The following INPP5J variants were observed in gnomAD, a reference collection of about 807,000 sequenced individuals.
INPP5J encodes inositol polyphosphate-5-phosphatase J, also known as phosphatidylinositol 4,5-bisphosphate 5-phosphatase A.
INPP5J carries 75 observed loss-of-function variants against 86.6 expected under a neutral mutation model. The ratio of observed to expected loss-of-function variants is 0.87; its 90% CI spans 0.72 to 1.05. INPP5J has a LOEUF of 1.05. Among genes scored for constraint, INPP5J ranks in the 50% least tolerant of loss-of-function variants. INPP5J has a pLI of 0.00. For missense variants in INPP5J, 1,229 were observed against 1,341.2 expected, an observed-to-expected ratio of 0.92 and a Z score of 1.31; for synonymous variants, 540 against 550.0, an observed-to-expected ratio of 0.98 and a Z score of 0.25.
rs1459077623 is a variant in INPP5J, at chr22:31,126,945, G to A, written c.1519G>A (p.Val507Ile). ...VLVSSVRMQG[V>I]ILLLFAKYYH... ...GGTGAGTTCGGTGAGGATGCAGGGT[G>A]TCATCCTGCTGCTGTTCGCCAAGTA... Residue 507 changes from valine (V) to isoleucine (I), a missense_variant, in exon 5 of 13, where the codon GTC (valine) becomes ATC (isoleucine). Coordinates refer to ENST00000331075, the MANE Select transcript of INPP5J (RefSeq NM_001284285.2). 1 of 1,610,252 alleles carries A rather than the reference G, an allele frequency of 6.2e-7. No individual in the cohort carries two copies. Among genetic ancestry groups the A allele is most frequent in the Non-Finnish European group, 8.5e-7 (1 of 1,178,272 alleles).
In INPP5J at chr22:31,125,968, C is replaced by T. The variant is rs749112330; in HGVS notation, c.1229C>T (p.Pro410Leu). ...TCTACATCCACCCTGTCATCCTCCC[C>T]TTGGTCAGCTCAGCCTACCTGGAAG... ...SSSTSTLSSS[P>L]WSAQPTWKSD... Residue 410 changes from proline to leucine, a missense_variant, in exon 2 of 13, where the codon CCT becomes CTT. Physicochemically the swap from Pro to Leu is moderately conservative, Grantham distance 98. Transcript: ENST00000331075. The T allele has an allele frequency of 1.2e-6, 2 of 1,602,742 alleles. No individual in the cohort carries two copies. The highest frequency in any genetic ancestry group is 2.2e-5 in the South Asian group (2 of 90,524).
Position 31,133,390 on chromosome 22 carries a change from A to C in INPP5J, c.2332-16A>C. 3 of 1,613,494 alleles carry C rather than the reference A, an allele frequency of 1.9e-6. No homozygotes were observed. Among genetic ancestry groups the C allele is most frequent in the Non-Finnish European group, 2.5e-6 (3 of 1,179,522 alleles). ...TATAGGGTCACAACACTGATTCCAC[A>C]ACACTGATCCCCCAGGTGGGTTTCC... On this transcript the variant is annotated splice_polypyrimidine_tract_variant and intron_variant, in intron 10 of 12. Coordinates refer to ENST00000331075, the MANE Select transcript of INPP5J (RefSeq NM_001284285.2).
rs149368837 is a variant in INPP5J at position 31,127,890 on chromosome 22, C to G, written c.1788-61C>G. On this transcript the variant is annotated intron_variant, in intron 6 of 12. Coordinates refer to ENST00000331075, the MANE Select transcript of INPP5J (RefSeq NM_001284285.2). ...GGATCTGGGCTGAGCCCTTATCCTC[C>G]ATGGACCTGTTGACACCCCCCACTG... 1.3e-4 allele frequency: 126 copies of G among 984,496 alleles called. 1 individual carries two copies. The Middle Eastern group carries it at 4.3e-3, about 34-fold the overall frequency. The allele number at this position is 984,496 out of a possible 1,614,324, so 61.0% of individuals were successfully genotyped here. A position where few individuals can be genotyped will look rare whatever the true frequency, so the allele number is the denominator to read the frequency against.
intron 9 of INPP5J, among the ~76,000 whole-genome samples, chr22:31,132,503 G>A (rs1002365345): frequency 6.6e-6 from 1 of 152,170 alleles, no homozygotes; most frequent in African/African-American, 2.4e-5. Flanking sequence ...ACTTTGGGAG[G>A]CTGAGGTGGG....
chr22:31,123,133 G>A lies in INPP5J; in HGVS notation c.105+14G>A. 6.9e-7 allele frequency: 1 copy of A among 1,445,016 alleles called. No individual in the cohort carries two copies. Among genetic ancestry groups the A allele is most frequent in the Non-Finnish European group, 9.1e-7 (1 of 1,093,510 alleles). 89.5% of individuals were successfully genotyped at this position (1,445,016 alleles called of 1,614,324 possible). On this transcript the variant is annotated intron_variant, in intron 1 of 12. Coordinates refer to ENST00000331075, the MANE Select transcript of INPP5J (RefSeq NM_001284285.2). ...GCACCCTCCAAGGTAAGACCCCTGA[G>A]ACCCAGTGCCCCCCGCTTTCCTGAT...
rs752247748 is a variant in INPP5J, at chr22:31,126,328, G to T, written c.1272-48G>T. The stretch of plus-strand genomic sequence containing the variant: ...GAGTCCTGTGAAAGGAAGCTTGAGG[G>T]TGAGGGAGTGGTGCCAGGACTACAC... On this transcript the variant is annotated intron_variant, in intron 2 of 12. Transcript: ENST00000331075. 3 of 1,439,710 alleles carry T rather than the reference G, an allele frequency of 2.1e-6. No individual in the cohort carries two copies. The East Asian group carries it at 6.8e-5, about 33-fold the overall frequency. 89.2% of individuals were successfully genotyped at this position (1,439,710 alleles called of 1,614,324 possible). A position where few individuals can be genotyped will look rare whatever the true frequency, so the allele number is the denominator to read the frequency against.
At chr22:31,127,913 C>CG in intron 6 of INPP5J, 38 bp from the exon 7 acceptor site, 1 of 1,181,826 alleles carries the variant, frequency 8.5e-7, no homozygotes, top group Non-Finnish European at 1.3e-6. Context: ...ACACCCCCCA[C>CG]TGCCCCCCAC....
chr22:31,123,863 A>G (rs1921100032), intron 1 of INPP5J: 1 of 152,244 alleles, frequency 6.6e-6, no homozygotes, highest in East Asian at 1.9e-4. Context: ...CCTGCCGGAC[A>G]TAAATGGGAT....
At chr22:31,123,222 T>C (rs1921030484) in intron 1 of INPP5J, 103 bp downstream of exon 1, 3 of 714,726 alleles carry the variant, frequency 4.2e-6, no homozygotes, top group African/African-American at 3.8e-5. Context: ...ACTGAGGGGC[T>C]GGTACTTTCC....
At chr22:31,131,434 G>A (rs140371497) in intron 9 of INPP5J, among the ~76,000 whole-genome samples, 3 of 152,058 alleles carry the variant, frequency 2.0e-5, no homozygotes, top group East Asian at 3.9e-4. Flanking sequence ...GTGGTGGTGC[G>A]CACCTGTAGT....
intron 9 of INPP5J, among the ~76,000 whole-genome samples, chr22:31,130,067 C>T (rs1415612308): frequency 1.3e-5 from 2 of 152,002 alleles, no homozygotes; most frequent in East Asian, 1.9e-4. Context: ...AAAGGCCGAG[C>T]GCAGTGGCTC....
At chr22:31,129,232 C>CTTTTTTTTTTTTT (rs576089657) in intron 9 of INPP5J, among the ~76,000 whole-genome samples, 3 of 79,122 alleles carry the variant, frequency 3.8e-5, no homozygotes, top group Non-Finnish European at 4.5e-5. Flanking sequence ...GTCTGGCCAA[C>CTTTTTTTTTTTTT]TTTTTTTTTT....
chr22:31,133,889 C>T, intron 12 of INPP5J, 24 bp from the exon 13 acceptor site: 1 of 1,604,318 alleles, frequency 6.2e-7, no homozygotes, highest in Non-Finnish European at 8.5e-7. Flanking sequence ...AGCAGGGCGC[C>T]CCAGTGACCA....
chr22:31,127,247 C>A, intron 5 of INPP5J, 110 bp from the exon 6 acceptor site: 1 of 1,053,688 alleles, frequency 9.5e-7, no homozygotes, highest in Non-Finnish European at 1.4e-6. Flanking sequence ...TTCCTCATTT[C>A]TGTAGGACCC....
chr22:31,130,096 C>G (rs1333277263), intron 9 of INPP5J, among the ~76,000 whole-genome samples: 1 of 151,938 alleles, frequency 6.6e-6, no homozygotes, highest in Non-Finnish European at 1.5e-5. Context: ...AATCCCAGCA[C>G]TTTGGGAGGC....
intron 10 of INPP5J, 24 bp from the exon 11 acceptor site, chr22:31,133,380 CTG>C (rs1346771727): frequency 3.1e-6 from 5 of 1,612,132 alleles, no homozygotes; most frequent in Non-Finnish European, 4.2e-6. Flanking sequence ...GGTCACAACA[CTG>C]ATTCCACAAC....
rs201734999 is a variant in INPP5J, at chr22:31,125,340, A to C, written c.601A>C (p.Thr201Pro). 251 of 1,549,036 alleles carry C rather than the reference A, an allele frequency of 1.6e-4. 1 individual carries two copies. The Middle Eastern group carries it at 2.3e-3, about 14-fold the overall frequency. ...SEEQPPELPS[T>P]PSPVPSPVLS... The stretch of plus-strand genomic sequence containing the variant: ...GGAGCAGCCCCCAGAACTCCCCTCC[A>C]CCCCTTCCCCGGTGCCCAGTCCAGT... Residue 201 changes from threonine (T) to proline (P), a missense_variant, in exon 2 of 13, where the codon ACC (threonine) becomes CCC (proline). Physicochemically the swap from Thr to Pro is conservative, Grantham distance 38 (BLOSUM62 -1). Coordinates refer to ENST00000331075, the MANE Select transcript of INPP5J (RefSeq NM_001284285.2).
rs573177987 is a variant in INPP5J, at chr22:31,125,570, C to T, written c.831C>T (p.Leu277=). The T allele has an allele frequency of 7.9e-5, 122 of 1,550,450 alleles. No individual in the cohort carries two copies. Among genetic ancestry groups the T allele is most frequent in the Non-Finnish European group, 1.0e-4 (116 of 1,146,996 alleles). Residue 277 remains leucine (L), a synonymous_variant, in exon 2 of 13, where the codon CTC becomes CTT. Transcript: ENST00000331075. ...PCIQTSPDPR[L]SPSFRARPEA... Reference sequence around the variant, plus strand: ...TCCAAACCTCCCCAGACCCTCGGCTCTCCCCCTCCTTCCGAGCCCGGCCTG... The same window carrying T: ...TCCAAACCTCCCCAGACCCTCGGCTTTCCCCCTCCTTCCGAGCCCGGCCTG...
rs548985857 is a variant in INPP5J, at chr22:31,128,618, C to T, written c.2157C>T (p.Ser719=). 1.2e-5 allele frequency: 20 copies of T among 1,604,702 alleles called. No individual in the cohort carries two copies. Among genetic ancestry groups the T allele is most frequent in the African/African-American group, 1.1e-4 (8 of 74,774 alleles). The change falls in exon 9 of 13, where the codon AGC becomes AGT. Residue 719 remains serine (S), a synonymous_variant. Transcript: ENST00000331075. ...SYRSHMEYTV[S]DHKPVAAQFL... ...GCAGCCACATGGAATACACAGTCAG[C>T]GACCACAAGCCTGTGGCTGCCCAGT...
Sources: allele counts gnomAD v4.1 joint callset (sites outside exome capture counted in the v4.1 genomes callset), GRCh38; gene constraint gnomAD v4.1.1; transcripts MANE v1.5; gene names NCBI Gene and HGNC (gene_info 2026-07-23, HGNC 2026-07-21).